Variants in ZNF704 observed in about 807,000 individuals in gnomAD.
The protein encoded by ZNF704 is zinc finger protein 704, also known as glucocorticoid induced gene 1.
In ZNF704, 10 loss-of-function variants were observed where a neutral mutation model predicts 44.7. The ratio of observed to expected loss-of-function variants is 0.22; its 90% CI spans 0.14 to 0.38. The LOEUF is 0.38. Among genes scored for constraint, ZNF704 ranks in the 10% least tolerant of loss-of-function variants. The pLI is 1.00. For missense variants in ZNF704, 390 were observed against 545.5 expected (o/e 0.71, Z 2.84); for synonymous variants, 211 against 207.6 (o/e 1.02, Z -0.14).
chr8:80,775,497 C>G (rs563319853), intron 2 of ZNF704, among the ~76,000 whole-genome samples: 33 of 152,226 alleles, frequency 2.2e-4, no homozygotes, highest in Non-Finnish European at 2.9e-5. Flanking sequence ...AAATTTTCAG[C>G]AAGTTATTTT....
chr8:80,815,643 C>G (rs1808165773), intron 2 of ZNF704, among the ~76,000 whole-genome samples: 7 of 152,142 alleles, frequency 4.6e-5, no homozygotes, highest in Admixed American at 3.9e-4. Context: ...TGATAAGGAA[C>G]AAAAATTCAC....
At chr8:80,744,108 A>T (rs1806807291) in intron 2 of ZNF704, among the ~76,000 whole-genome samples, 1 of 152,222 alleles carries the variant, frequency 6.6e-6, no homozygotes. Flanking sequence ...AGATGTATTT[A>T]AAAAAAGAAT....
intron 2 of ZNF704, among the ~76,000 whole-genome samples, chr8:80,756,944 G>A (rs535979376): frequency 6.6e-6 from 1 of 152,326 alleles, no homozygotes; most frequent in East Asian, 1.9e-4. Flanking sequence ...TCTCAAGGTG[G>A]CCAAGGAGAC....
At chr8:80,772,492 A>G (rs1398157650) in intron 2 of ZNF704, among the ~76,000 whole-genome samples, 5 of 152,144 alleles carry the variant, frequency 3.3e-5, no homozygotes, top group African/African-American at 9.7e-5. Context: ...CACATCTTAC[A>G]TGGCCGAAGC....
At chr8:80,641,531 T>C (rs1321272088) in intron 8 of ZNF704, 54 bp from the exon 9 acceptor site, 21 of 1,159,902 alleles carry the variant, frequency 1.8e-5, no homozygotes, top group Admixed American at 9.5e-5. Flanking sequence ...ATGGGCATTC[T>C]ATGGAGAGCT....
At chr8:80,768,143 T>G (rs182015077) in intron 2 of ZNF704, among the ~76,000 whole-genome samples, 60 of 152,252 alleles carry the variant, frequency 3.9e-4, no homozygotes, top group Admixed American at 3.8e-3. Context: ...TATGAGATAG[T>G]TTTTGGAAAC....
intron 2 of ZNF704, among the ~76,000 whole-genome samples, chr8:80,715,320 T>G (rs1233764743): frequency 1.3e-5 from 2 of 152,030 alleles, no homozygotes; most frequent in African/African-American, 4.8e-5. Context: ...AGTGAACGTT[T>G]TATTCTTTTT....
chr8:80,835,364 T>A (rs1039520979), intron 1 of ZNF704, among the ~76,000 whole-genome samples: 2 of 152,166 alleles, frequency 1.3e-5, no homozygotes, highest in Admixed American at 1.3e-4. Context: ...GGTTAAGAAC[T>A]TGTCTTGAAG....
intron 2 of ZNF704, among the ~76,000 whole-genome samples, chr8:80,701,985 A>T (rs969247211): frequency 6.6e-6 from 1 of 152,196 alleles, no homozygotes; most frequent in African/African-American, 2.4e-5. Context: ...TTTGTTCTTC[A>T]GATGAAAGGA....
intron 2 of ZNF704, among the ~76,000 whole-genome samples, chr8:80,810,681 T>C (rs116758115): frequency 1.5e-3 from 231 of 152,306 alleles, no homozygotes; most frequent in African/African-American, 5.3e-3. Flanking sequence ...ACTGTGGTAA[T>C]ACCCATTTAA....
chr8:80,868,427 T>C (rs1204712252), intron 1 of ZNF704, among the ~76,000 whole-genome samples: 5 of 152,182 alleles, frequency 3.3e-5, no homozygotes, highest in African/African-American at 1.2e-4. Flanking sequence ...TCTCAAATCT[T>C]CCTGGAAATA....
At chr8:80,777,529 T>C (rs1182239624) in intron 2 of ZNF704, among the ~76,000 whole-genome samples, 1 of 152,192 alleles carries the variant, frequency 6.6e-6, no homozygotes, top group African/African-American at 2.4e-5. Flanking sequence ...ATTTTCTCTG[T>C]GTATCTTTAT....
chr8:80,775,286 T>C (rs1337250959), intron 2 of ZNF704, among the ~76,000 whole-genome samples: 3 of 152,208 alleles, frequency 2.0e-5, no homozygotes, highest in East Asian at 1.9e-4. Context: ...AGAAAGATTA[T>C]GGGTTTTGTG....
chr8:80,822,033 T>C (rs1264849115), intron 1 of ZNF704, among the ~76,000 whole-genome samples: 8 of 152,228 alleles, frequency 5.3e-5, no homozygotes, highest in Admixed American at 5.2e-4. Flanking sequence ...TTTTGGCTAA[T>C]AATACTGGTC....
intron 2 of ZNF704, among the ~76,000 whole-genome samples, chr8:80,768,318 C>T (rs558024158): frequency 2.6e-5 from 4 of 152,060 alleles, no homozygotes; most frequent in Admixed American, 2.6e-4. Context: ...CTTGTCAGTA[C>T]ATCTCCCATA....
rs79680906 is a variant in ZNF704 at position 80,685,367 on chromosome 8, C to G, written c.558+1859G>C. The stretch of plus-strand genomic sequence containing the variant: ...GTGCCTTAAATAACATTGGGGTTCC[C>G]TGTACTGTGAGTCCTTGTCACAACC... On this transcript the variant is annotated intron_variant, in intron 4 of 8. Transcript: ENST00000327835. Among the ~76,000 whole-genome samples, 885 of 152,006 alleles carry G rather than the reference C, an allele frequency of 5.8e-3. 9 individuals carry two copies. Among genetic ancestry groups the G allele is most frequent in the African/African-American group, 0.021 (851 of 41,502 alleles).
At chr8:80,708,824 CCTAT>C (rs921674082) in intron 2 of ZNF704, among the ~76,000 whole-genome samples, 1 of 151,550 alleles carries the variant, frequency 6.6e-6, no homozygotes, top group Non-Finnish European at 1.5e-5. Flanking sequence ...TCAGTGGCTA[CCTAT>C]CTGTCTTCTT....
intron 1 of ZNF704, among the ~76,000 whole-genome samples, chr8:80,829,434 T>C (rs975566092): frequency 3.4e-4 from 51 of 152,230 alleles, no homozygotes; most frequent in Non-Finnish European, 1.5e-4. Flanking sequence ...AAATTGCTTC[T>C]AAGTGTCAAG....
Position 80,710,685 on chromosome 8 carries a change from T to G in ZNF704, c.222-17578A>C, listed in dbSNP as rs114802208. 5.2e-3 allele frequency among the ~76,000 whole-genome samples: 794 copies of G among 152,154 alleles called. 6 individuals are homozygous for G. Among genetic ancestry groups the G allele is most frequent in the African/African-American group, 0.018 (765 of 41,490 alleles). ...TACCGTGTGAGGACACAGCAAAAGG[T>G]AGCTATGTGCAAGCCAGGAAGAGGA... On this transcript the variant is annotated intron_variant, in intron 2 of 8. Transcript: ENST00000327835.
Sources: allele counts gnomAD v4.1 joint callset (sites outside exome capture counted in the v4.1 genomes callset), GRCh38; gene constraint gnomAD v4.1.1; transcripts MANE v1.5; gene names NCBI Gene and HGNC (gene_info 2026-07-23, HGNC 2026-07-21).